The following LGSN variants were observed in gnomAD, a reference collection of about 807,000 sequenced individuals.
The protein encoded by LGSN is lengsin.
LGSN carries 21 observed loss-of-function variants against 19.5 expected under a neutral mutation model. The ratio of observed to expected loss-of-function variants is 1.07; its 90% CI spans 0.76 to 1.55. The LOEUF is 1.55. Ranked by LOEUF, LGSN falls within the 40% of genes most tolerant of loss-of-function variation. LGSN has a pLI of 0.00. For synonymous variants in LGSN, 257 were observed against 215.6 expected, an observed-to-expected ratio of 1.19 and a Z score of -1.68; for missense variants, 673 against 608.5, an observed-to-expected ratio of 1.11 and a Z score of -1.12.
At chr6:63,476,817 T>A in the LGSN span, among the ~76,000 whole-genome samples, 13 of 152,220 alleles carry the variant, frequency 8.5e-5, no homozygotes, top group Non-Finnish European at 1.6e-4. Context: ...CTAGATTCAA[T>A]GAAGAGAAAT....
chr6:63,420,880 A>C, the LGSN span, among the ~76,000 whole-genome samples: 1 of 152,244 alleles, frequency 6.6e-6, no homozygotes, highest in African/African-American at 2.4e-5. Context: ...TGCTTGAAAA[A>C]AATTTTTTTA....
At chr6:63,299,600 A>G (rs1310362508) in intron 1 of LGSN, among the ~76,000 whole-genome samples, 1 of 152,218 alleles carries the variant, frequency 6.6e-6, no homozygotes, top group Non-Finnish European at 1.5e-5. Context: ...GAATATTGAT[A>G]GTCTGAATTG....
the LGSN span, among the ~76,000 whole-genome samples, chr6:63,483,722 C>T: frequency 1.3e-5 from 2 of 152,094 alleles, no homozygotes; most frequent in African/African-American, 4.8e-5. Context: ...TTTCCCATGG[C>T]TTATAGATGG....
At position 63,285,466 on chromosome 6, in the gene LGSN, G is replaced by C. The variant is rs1356714677; in HGVS notation, c.330+121C>G. On this transcript the variant is annotated intron_variant, in intron 3 of 3. Coordinates refer to ENST00000370657, the MANE Select transcript of LGSN (RefSeq NM_016571.3). ...AGGAACAAGGGAAGAAACAAAATAA[G>C]TTATTGATTTTCAGCTTGAATTGCT... The C allele has an allele frequency of 6.4e-6, 5 of 784,130 alleles. No homozygotes were observed. The East Asian group carries it at 1.4e-4, about 21-fold the overall frequency. The allele number at this position is 784,130 out of a possible 1,614,324, so 48.6% of individuals were successfully genotyped here.
In LGSN at chr6:63,277,626, C is replaced by A. The variant is rs1158655361; in HGVS notation, c.*2395G>T. ...ATCTGGATGTAGGCAAGTCAAACTG[C>A]TCTACAAAGCAGAGATTCCACCTTA... is the stretch of plus-strand genomic sequence containing the variant. On this transcript the variant is annotated 3_prime_UTR_variant, in exon 4 of 4. Coordinates refer to ENST00000370657, the MANE Select transcript of LGSN (RefSeq NM_016571.3). The A allele has an allele frequency of 6.6e-6, 1 of 151,638 alleles. No individual in the cohort carries two copies. Among genetic ancestry groups the A allele is most frequent in the Non-Finnish European group, 1.5e-5 (1 of 67,970 alleles). 9.4% of individuals were successfully genotyped at this position (151,638 alleles called of 1,614,324 possible).
rs558272268 is a variant in LGSN, at chr6:63,317,714, G to A, written c.30+2200C>T. ...GCCTCTTGAAGCAAGCCTCTAGAAG[G>A]TCAGGTAGAGCCTCCCATGGGGCTG... On this transcript the variant is annotated intron_variant, in intron 1 of 3. Transcript: ENST00000370657. Among the ~76,000 whole-genome samples the A allele has an allele frequency of 1.4e-4, 22 of 152,254 alleles. No individual in the cohort carries two copies. The South Asian group carries it at 1.7e-3, about 11-fold the overall frequency.
At chr6:63,293,812 T>C (rs944311603) in intron 2 of LGSN, 30 of 455,816 alleles carry the variant, frequency 6.6e-5, no homozygotes, top group Middle Eastern at 6.5e-4. Context: ...ATAGGTTTGC[T>C]TGTGTTCCCT....
chr6:63,539,735 C>T, the LGSN span, among the ~76,000 whole-genome samples: 2 of 151,568 alleles, frequency 1.3e-5, no homozygotes, highest in African/African-American at 2.4e-5. Flanking sequence ...TACCACTGCA[C>T]TCTAGCCTGG....
At chr6:63,321,487 T>C (rs928883159), upstream of LGSN, among the ~76,000 whole-genome samples, 1 of 152,190 alleles carries the variant, frequency 6.6e-6, no homozygotes, top group Non-Finnish European at 1.5e-5. Context: ...TGTTATTGAA[T>C]ATGCAATTTG....
the LGSN span, among the ~76,000 whole-genome samples, chr6:63,412,527 AAGG>A: frequency 1.8e-3 from 196 of 109,464 alleles, 4 homozygotes; most frequent in African/African-American, 7.3e-3. Flanking sequence ...AGAAAGAAAG[AAGG>A]AAAGAAAGAA....
At chr6:63,502,797 C>T in the LGSN span, among the ~76,000 whole-genome samples, 5 of 152,266 alleles carry the variant, frequency 3.3e-5, no homozygotes, top group Admixed American at 6.5e-5. Context: ...AATCAAGTTT[C>T]GTAGCTTTGA....
the LGSN span, among the ~76,000 whole-genome samples, chr6:63,531,648 C>T: frequency 6.6e-6 from 1 of 151,452 alleles, no homozygotes; most frequent in South Asian, 2.1e-4. Context: ...AGCCACCATG[C>T]TTGATCAATA....
the LGSN span, among the ~76,000 whole-genome samples, chr6:63,447,192 G>A: frequency 6.6e-6 from 1 of 152,216 alleles, no homozygotes; most frequent in South Asian, 2.1e-4. Flanking sequence ...AATGATAGCA[G>A]CCTTTCTGTT....
chr6:63,555,002 G>C, the LGSN span, among the ~76,000 whole-genome samples: 1 of 152,194 alleles, frequency 6.6e-6, no homozygotes, highest in African/African-American at 2.4e-5. Flanking sequence ...TGTGGTTTCT[G>C]ATAACATGTG....
chr6:63,432,137 GAAA>G, the LGSN span, among the ~76,000 whole-genome samples: 17 of 105,250 alleles, frequency 1.6e-4, no homozygotes, highest in Admixed American at 1.6e-3. Context: ...AAGAAAGAAA[GAAA>G]GAAAGAAAGA....
At chr6:63,531,135 G>A in the LGSN span, among the ~76,000 whole-genome samples, 3 of 152,148 alleles carry the variant, frequency 2.0e-5, no homozygotes, top group Non-Finnish European at 4.4e-5. Flanking sequence ...AGTCCTCTCA[G>A]TTCTGCCTGC....
At chr6:63,421,918 C>A in the LGSN span, among the ~76,000 whole-genome samples, 2,315 of 152,108 alleles carry the variant, frequency 0.015, 49 homozygotes, top group African/African-American at 0.053. Context: ...ATAAATATAG[C>A]TGAAAACTTC....
chr6:63,505,629 G>GAAATAAATAAATAAATAAATAAAT, the LGSN span, among the ~76,000 whole-genome samples: 3 of 87,850 alleles, frequency 3.4e-5, no homozygotes, highest in African/African-American at 9.6e-5. Flanking sequence ...AAGAAAGAAA[G>GAAATAAATAAATAAATAAATAAAT]AAAGAAATTC....
the LGSN span, among the ~76,000 whole-genome samples, chr6:63,385,476 T>C: frequency 6.6e-6 from 1 of 152,246 alleles, no homozygotes; most frequent in Non-Finnish European, 1.5e-5. Flanking sequence ...AAAATCATCC[T>C]ATTGATACAA....
Sources: allele counts gnomAD v4.1 joint callset (sites outside exome capture counted in the v4.1 genomes callset), GRCh38; gene constraint gnomAD v4.1.1; transcripts MANE v1.5; gene names NCBI Gene and HGNC (gene_info 2026-07-23, HGNC 2026-07-21).